Variants in SPATA22 observed in about 807,000 individuals in gnomAD.
SPATA22 encodes spermatogenesis associated 22.
Under a neutral mutation model 47.8 loss-of-function variants are expected in SPATA22, and 29 were observed. That is an observed-to-expected ratio of 0.61 (90% CI 0.45 to 0.83). The LOEUF (loss-of-function observed/expected upper bound fraction) is 0.83, where lower values mean the gene tolerates loss of function less well. Among genes scored for constraint, SPATA22 ranks in the 40% least tolerant of loss-of-function variants. SPATA22 has a pLI of 0.00. For missense variants in SPATA22, 410 were observed against 421.7 expected (o/e 0.97, Z 0.24); for synonymous variants, 133 against 140.9 (o/e 0.94, Z 0.40).
In SPATA22 at chr17:3,467,566, G is replaced by A. The variant is rs1167049717; in HGVS notation, c.44-12C>T. 6.3e-7 allele frequency: 1 copy of A among 1,596,908 alleles called. No homozygotes were observed. The highest frequency in any genetic ancestry group is 1.7e-5 in the Admixed American group (1 of 58,084). Reference sequence around the variant, plus strand: ...AACAGGCAAACAGCCTAAATTGAATGTACCAATAAATTAGTACATAATAGA... The same window carrying A: ...AACAGGCAAACAGCCTAAATTGAATATACCAATAAATTAGTACATAATAGA... On this transcript the variant is annotated splice_polypyrimidine_tract_variant and intron_variant, in intron 2 of 8. Coordinates refer to ENST00000572969, the MANE Select transcript of SPATA22 (RefSeq NM_001170698.2).
chr17:3,484,316 A>G (rs1202264935), intron 1 of SPATA22, among the ~76,000 whole-genome samples: 1 of 152,218 alleles, frequency 6.6e-6, no homozygotes, highest in Non-Finnish European at 1.5e-5. Context: ...AACAATGAGC[A>G]AGACACACAG....
intron 3 of SPATA22, among the ~76,000 whole-genome samples, chr17:3,465,019 G>A (rs570917109): frequency 0.018 from 2,289 of 127,892 alleles, 157 homozygotes; most frequent in African/African-American, 0.059. Context: ...GAGGGAGGTG[G>A]GGGGGTCAGC....
At chr17:3,464,676 C>T (rs2073234381) in intron 3 of SPATA22, among the ~76,000 whole-genome samples, 2 of 151,150 alleles carry the variant, frequency 1.3e-5, no homozygotes, top group Admixed American at 1.3e-4. Flanking sequence ...GCCGCGACCC[C>T]GTCTGGGAGG....
At chr17:3,451,358 A>C (rs561539779) in intron 5 of SPATA22, among the ~76,000 whole-genome samples, 4 of 152,112 alleles carry the variant, frequency 2.6e-5, no homozygotes, top group South Asian at 4.1e-4. Flanking sequence ...CAACATAATA[A>C]AAAAAAGAAA....
chr17:3,440,619 C>A (rs867824528), intron 8 of SPATA22: 2 of 223,262 alleles, frequency 9.0e-6, no homozygotes, highest in Non-Finnish European at 1.7e-5. Context: ...TGAAATTACC[C>A]ACTCTTTTAT....
intron 7 of SPATA22, among the ~76,000 whole-genome samples, chr17:3,444,191 A>AT (rs2072664258): frequency 6.6e-6 from 1 of 151,998 alleles, no homozygotes; most frequent in Non-Finnish European, 1.5e-5. Context: ...GGCATTTGTT[A>AT]TTTTGAGGCT....
intron 1 of SPATA22, among the ~76,000 whole-genome samples, chr17:3,496,801 T>G (rs868193561): frequency 6.6e-6 from 1 of 152,206 alleles, no homozygotes; most frequent in African/African-American, 2.4e-5. Flanking sequence ...GAGCGGTGGC[T>G]CACGCCTGTA....
intron 5 of SPATA22, among the ~76,000 whole-genome samples, chr17:3,455,044 T>C (rs1351512498): frequency 2.6e-5 from 4 of 152,188 alleles, no homozygotes; most frequent in Admixed American, 2.6e-4. Flanking sequence ...ATTTCTCTGA[T>C]GGCCAGTGAT....
chr17:3,477,161 AT>A (rs2073539248), intron 1 of SPATA22, among the ~76,000 whole-genome samples: 1 of 152,136 alleles, frequency 6.6e-6, no homozygotes, highest in African/African-American at 2.4e-5. Context: ...TCTCAAAAAA[AT>A]AAATAAATAA....
intron 3 of SPATA22, among the ~76,000 whole-genome samples, chr17:3,464,987 C>T (rs2073254502): frequency 1.1e-5 from 1 of 91,958 alleles, no homozygotes; most frequent in Non-Finnish European, 3.2e-5. Context: ...AGCCCCTCTG[C>T]CCGGCCAGCC....
chr17:3,451,364 A>G (rs967976683), intron 5 of SPATA22, among the ~76,000 whole-genome samples: 3 of 152,200 alleles, frequency 2.0e-5, no homozygotes, highest in Non-Finnish European at 2.9e-5. Context: ...AATAAAAAAA[A>G]GAAAGCTCAA....
At chr17:3,468,724 A>C (rs1313069539) in intron 2 of SPATA22, 1 of 173,786 alleles carries the variant, frequency 5.8e-6, no homozygotes, top group Non-Finnish European at 1.1e-5. Context: ...TCATCTGAAC[A>C]ACAGAAATGA....
intron 1 of SPATA22, chr17:3,500,371 G>C (rs1469610212): frequency 1.3e-5 from 2 of 152,326 alleles, no homozygotes; most frequent in Non-Finnish European, 2.9e-5. Context: ...GACTTTCCTA[G>C]CTAGAGGGGA....
At chr17:3,504,389 A>G (rs558051868) in intron 1 of SPATA22, among the ~76,000 whole-genome samples, 1 of 151,822 alleles carries the variant, frequency 6.6e-6, no homozygotes, top group East Asian at 1.9e-4. Flanking sequence ...CTTTCTTTTT[A>G]TCTTCCTTCC....
intron 5 of SPATA22, among the ~76,000 whole-genome samples, chr17:3,456,268 C>T (rs4632166): frequency 0.88 from 131,520 of 150,032 alleles, 57,942 homozygotes; most frequent in Non-Finnish European, 0.92. Flanking sequence ...AGCTGGTTTT[C>T]TGAAAGGATC....
rs541562683 is a variant in SPATA22, at chr17:3,497,019, T to C, written c.-74+16393A>G. Among the ~76,000 whole-genome samples the C allele has an allele frequency of 2.2e-4, 34 of 152,296 alleles. 1 individual carries two copies. Among genetic ancestry groups the C allele is most frequent in the African/African-American group, 7.9e-4 (33 of 41,560 alleles). ...AGGTGAAGGTTGCAGTGAGCTGAGA[T>C]TGTGCCACTGCACTCCAGCCTGGAC... On this transcript the variant is annotated intron_variant, in intron 1 of 8. Transcript: ENST00000541913.
intron 6 of SPATA22, among the ~76,000 whole-genome samples, chr17:3,447,858 T>C (rs930568444): frequency 1.3e-5 from 2 of 152,120 alleles, no homozygotes; most frequent in Non-Finnish European, 1.5e-5. Context: ...CAGTGACTCC[T>C]ACTGGCTGAC....
At chr17:3,476,845 T>C (rs1049550663) in intron 1 of SPATA22, among the ~76,000 whole-genome samples, 3 of 152,216 alleles carry the variant, frequency 2.0e-5, no homozygotes, top group African/African-American at 7.2e-5. Flanking sequence ...AAAAATGTAA[T>C]GTTTCAAGTA....
exon 1 of SPATA22, chr17:3,513,842 C>T: frequency 7.7e-7 from 1 of 1,295,166 alleles, no homozygotes; most frequent in Non-Finnish European, 1.1e-6. Context: ...TCCCTCAAAG[C>T]CTCTCTGCAC....
Sources: gnomAD v4.1 joint callset for allele counts (sites outside exome capture counted in the v4.1 genomes callset) on GRCh38, gnomAD v4.1.1 for gene constraint, MANE v1.5 for transcripts, NCBI Gene and HGNC (gene_info 2026-07-23, HGNC 2026-07-21) for gene names.